Variants in RAPGEF2 observed in about 807,000 individuals in gnomAD.
RAPGEF2 encodes the protein PDZ domain containing guanine nucleotide exchange factor (GEF) 1.
A neutral mutation model predicts 186.7 loss-of-function variants in RAPGEF2; 54 were observed. That is an observed-to-expected ratio of 0.29 (90% confidence interval 0.23 to 0.36). The LOEUF is 0.36. Ranked by LOEUF, RAPGEF2 falls within the 10% of genes least tolerant of loss-of-function variation. RAPGEF2 has a pLI of 1.00. For missense variants in RAPGEF2, 1,532 were observed against 2,045.0 expected, an observed-to-expected ratio of 0.75 and a Z score of 4.84; for synonymous variants, 712 against 705.9, an observed-to-expected ratio of 1.01 and a Z score of -0.14.
intron 9 of RAPGEF2, among the ~76,000 whole-genome samples, chr4:159,316,542 C>G (rs1009573528): frequency 1.3e-5 from 2 of 152,104 alleles, no homozygotes; most frequent in Admixed American, 1.3e-4. Flanking sequence ...TCATTTAGCT[C>G]CCACTTACAG....
chr4:159,330,339 C>T lies in RAPGEF2; in HGVS notation c.1308C>T (p.Thr436=), dbSNP rs762539071. The change falls in exon 13 of 30, where the codon ACC becomes ACT. Residue 436 remains threonine, a synonymous_variant. Coordinates refer to ENST00000691494, the MANE Select transcript of RAPGEF2 (RefSeq NM_001394067.2). The part of the protein sequence containing the change: ...TRKGHIVIKG[T]SERLTMHLVE... The stretch of plus-strand genomic sequence containing the variant: ...AAACCTTTTCTTTGTTACAGGGTAC[C>T]TCAGAAAGGTTAACAATGCATTTGG... The T allele has an allele frequency of 6.5e-7, 1 of 1,538,942 alleles. No homozygotes were observed. The highest frequency in any genetic ancestry group is 8.8e-7 in the Non-Finnish European group (1 of 1,141,128).
At chr4:159,112,410 G>T (rs541763853) in intron 1 of RAPGEF2, among the ~76,000 whole-genome samples, 1 of 152,000 alleles carries the variant, frequency 6.6e-6, no homozygotes, top group South Asian at 2.1e-4. Context: ...AAGTAGTAAG[G>T]TTAGCCTTAG....
chr4:159,260,810 G>A lies in RAPGEF2; in HGVS notation c.543+17019G>A, dbSNP rs374697751. Among the ~76,000 whole-genome samples the A allele has an allele frequency of 1.5e-4, 23 of 152,166 alleles. No individual in the cohort carries two copies. In the East Asian group the frequency reaches 1.6e-3, roughly 10 times the overall value. On this transcript the variant is annotated intron_variant, in intron 7 of 29. Transcript: ENST00000691494. The stretch of plus-strand genomic sequence containing the variant: ...GTTGCCCAGGCTGGAGTGCAATGGC[G>A]CGATCTCGGCTCACCACAACCTCCG...
intron 1 of RAPGEF2, among the ~76,000 whole-genome samples, chr4:159,167,263 T>C (rs1745425501): frequency 6.6e-6 from 1 of 152,290 alleles, no homozygotes; most frequent in East Asian, 1.9e-4. Flanking sequence ...GGCCAGTTTT[T>C]TGGGGGAAAT....
intron 9 of RAPGEF2, among the ~76,000 whole-genome samples, chr4:159,321,232 A>G (rs1482284803): frequency 1.4e-5 from 2 of 147,212 alleles, no homozygotes; most frequent in Admixed American, 1.4e-4. Context: ...TAAGAGACAG[A>G]GTCTCACTCT....
chr4:159,348,736 T>C (rs535031763), intron 25 of RAPGEF2, among the ~76,000 whole-genome samples: 1 of 152,322 alleles, frequency 6.6e-6, no homozygotes, highest in South Asian at 2.1e-4. Flanking sequence ...AGTATAAAGC[T>C]CTATCCCCCA....
intron 29 of RAPGEF2, among the ~76,000 whole-genome samples, chr4:159,357,215 C>T (rs1249788678): frequency 6.6e-6 from 1 of 152,072 alleles, no homozygotes; most frequent in Non-Finnish European, 1.5e-5. Flanking sequence ...TTTCAAATGA[C>T]CCAGGCGTGG....
At chr4:159,146,798 T>A (rs1743006349) in intron 1 of RAPGEF2, among the ~76,000 whole-genome samples, 1 of 152,168 alleles carries the variant, frequency 6.6e-6, no homozygotes, top group Non-Finnish European at 1.5e-5. Flanking sequence ...TAGTCATTTC[T>A]CCCCAGCTTT....
chr4:159,262,999 G>A (rs2110755444), intron 7 of RAPGEF2, among the ~76,000 whole-genome samples: 1 of 152,200 alleles, frequency 6.6e-6, no homozygotes, highest in East Asian at 1.9e-4. Flanking sequence ...CTATGTGTCA[G>A]CCATTGCATT....
At chr4:159,184,637 T>TATTA (rs1433449336) in intron 1 of RAPGEF2, among the ~76,000 whole-genome samples, 1 of 152,230 alleles carries the variant, frequency 6.6e-6, no homozygotes, top group Non-Finnish European at 1.5e-5. Flanking sequence ...AGATTCTGGA[T>TATTA]ATTAGCCCTT....
intron 17 of RAPGEF2, among the ~76,000 whole-genome samples, chr4:159,337,909 A>AAAAAAAAAAAAAAAAAAAAAAC: frequency 6.7e-6 from 1 of 148,666 alleles, no homozygotes; most frequent in Non-Finnish European, 1.5e-5. Context: ...AAAAAAAAAA[A>AAAAAAAAAAAAAAAAAAAAAAC]AAAAGAAAGA....
intron 7 of RAPGEF2, among the ~76,000 whole-genome samples, chr4:159,275,116 T>C (rs903931968): frequency 4.0e-5 from 6 of 151,114 alleles, no homozygotes; most frequent in African/African-American, 9.7e-5. Flanking sequence ...GAGAATCTTA[T>C]AATTGCACAG....
At chr4:159,174,756 C>CTTTTTTTTTTTT (rs1554004795) in intron 1 of RAPGEF2, among the ~76,000 whole-genome samples, 1 of 112,550 alleles carries the variant, frequency 8.9e-6, no homozygotes. Context: ...TCTTTTCTTT[C>CTTTTTTTTTTTT]TTTCTTTTTT....
chr4:159,166,434 G>C (rs1194040066), intron 1 of RAPGEF2, among the ~76,000 whole-genome samples: 1 of 152,202 alleles, frequency 6.6e-6, no homozygotes, highest in African/African-American at 2.4e-5. Context: ...TGCGTCTAGA[G>C]GAAATGTACT....
At chr4:159,237,842 TAAA>T (rs58593781) in intron 4 of RAPGEF2, among the ~76,000 whole-genome samples, 3,374 of 66,812 alleles carry the variant, frequency 0.05, 113 homozygotes, top group Non-Finnish European at 0.075. Flanking sequence ...CTACAAAAAT[TAAA>T]AAAAAAAAAA....
Position 159,350,173 on chromosome 4 carries a change from CTTT to C in RAPGEF2, c.3750_3752del (p.Leu1251del). 1 of 1,567,218 alleles carries C rather than the reference CTTT, an allele frequency of 6.4e-7. No individual in the cohort carries two copies. The highest frequency in any genetic ancestry group is 1.2e-5 in the South Asian group (1 of 81,092). The stretch of plus-strand genomic sequence containing the variant: ...CCACAAGCTTTAAAAAAAATTCTTT[CTTT>C]GTCTGAAGAAGGAAGTTTGGAACGT... On this transcript the variant is annotated inframe_deletion, in exon 26 of 30. Transcript: ENST00000691494.
chr4:159,237,571 G>C (rs13116575), intron 4 of RAPGEF2, among the ~76,000 whole-genome samples: 54,857 of 151,686 alleles, frequency 0.36, 10,397 homozygotes, highest in Non-Finnish European at 0.41. Flanking sequence ...GACATAAAGA[G>C]GATTATAAAT....
chr4:159,155,768 TC>T (rs1744039793), intron 1 of RAPGEF2, among the ~76,000 whole-genome samples: 2 of 145,678 alleles, frequency 1.4e-5, no homozygotes, highest in Admixed American at 6.7e-5. Context: ...CACAATGCAC[TC>T]TTTTTTTTTT....
intron 1 of RAPGEF2, among the ~76,000 whole-genome samples, chr4:159,143,374 A>G (rs991506775): frequency 3.3e-5 from 5 of 152,188 alleles, no homozygotes; most frequent in African/African-American, 1.2e-4. Context: ...TTGGGTTCCA[A>G]AGGTCTGTGG....
Sources: allele counts gnomAD v4.1 joint callset (sites outside exome capture counted in the v4.1 genomes callset), GRCh38; gene constraint gnomAD v4.1.1; transcripts MANE v1.5; gene names NCBI Gene and HGNC (gene_info 2026-07-23, HGNC 2026-07-21).